RPL37: variants seen among roughly 807,000 people sequenced by gnomAD.
The protein encoded by RPL37 is large ribosomal subunit protein eL37.
A neutral mutation model predicts 14.8 loss-of-function variants in RPL37; 1 was observed. The observed-to-expected ratio is 0.07, with a 90% CI of 0.02 to 0.32. The LOEUF is 0.32. Ranked by LOEUF, RPL37 falls within the 10% of genes least tolerant of loss-of-function variation. The pLI, the probability that RPL37 is intolerant of heterozygous loss-of-function variation, is 1.00. For missense variants in RPL37, 100 were observed against 128.3 expected, an observed-to-expected ratio of 0.78 and a Z score of 1.06; for synonymous variants, 53 against 45.8, an observed-to-expected ratio of 1.16 and a Z score of -0.63.
At position 40,832,207 on chromosome 5, in the gene RPL37, G is replaced by A; in HGVS notation, c.*297C>T. On this transcript the variant is annotated 3_prime_UTR_variant, in exon 4 of 4. Transcript: ENST00000274242. ...TCAAACATCTAAAATACCCACCTAT[G>A]CCACATGAGCTGTGCTATTTTAATC... 5.9e-6 allele frequency: 2 copies of A among 338,018 alleles called. No homozygotes were observed. Among genetic ancestry groups the A allele is most frequent in the Middle Eastern group, 9.3e-4 (1 of 1,072 alleles). 20.9% of individuals were successfully genotyped at this position (338,018 alleles called of 1,614,324 possible). A position where few individuals can be genotyped will look rare whatever the true frequency, so the allele number is the denominator to read the frequency against.
chr5:40,832,809 C>T lies in RPL37; in HGVS notation c.225-236G>A, dbSNP rs557988118. 4.3e-5 allele frequency: 25 copies of T among 580,026 alleles called. No individual in the cohort carries two copies. The East Asian group carries it at 7.5e-4, about 17-fold the overall frequency. The allele number at this position is 580,026 out of a possible 1,614,324, so 35.9% of individuals were successfully genotyped here. A position where few individuals can be genotyped will look rare whatever the true frequency, so the allele number is the denominator to read the frequency against. On this transcript the variant is annotated intron_variant, in intron 3 of 3. Coordinates refer to ENST00000274242, the MANE Select transcript of RPL37 (RefSeq NM_000997.5). Reference sequence around the variant, plus strand: ...TGCAACTGCAATAAAGGCTCAAAAACTTATTTGGCTATACTAGTCATTGGG... The same window carrying T: ...TGCAACTGCAATAAAGGCTCAAAAATTTATTTGGCTATACTAGTCATTGGG...
intron 3 of RPL37, 87 bp from the exon 4 acceptor site, chr5:40,832,660 T>C (rs748742120): frequency 1.5e-5 from 14 of 963,374 alleles, no homozygotes; most frequent in Non-Finnish European, 2.2e-5. Flanking sequence ...TCAATGCGCT[T>C]ATCTCAGTTA....
In RPL37 at chr5:40,829,087, TCA is replaced by T. The variant is rs924039542; in HGVS notation, c.*3415_*3416del. 2.2e-4 allele frequency: 34 copies of T among 152,288 alleles called. No homozygotes were observed. Among genetic ancestry groups the T allele is most frequent in the African/African-American group, 7.5e-4 (31 of 41,550 alleles). 9.4% of individuals were successfully genotyped at this position (152,288 alleles called of 1,614,324 possible). A position where few individuals can be genotyped will look rare whatever the true frequency, so the allele number is the denominator to read the frequency against. On this transcript the variant is annotated 3_prime_UTR_variant, in exon 4 of 4. Transcript: ENST00000274242. Reference sequence around the variant, plus strand: ...CTGACTTCTACATGCCTATCAAATCTCAGTGTTCTCATTTTCATGCTTAAATT... The same window carrying T: ...CTGACTTCTACATGCCTATCAAATCTGTGTTCTCATTTTCATGCTTAAATT...
chr5:40,825,962 C>A lies in RPL37; in HGVS notation c.*6542G>T, dbSNP rs1317712358. Reference sequence around the variant, plus strand: ...CTCAGGTGATCTACCCGCCTCAGAGCCTCCCAAGGCGTGTGGGATTACAGA... The same window carrying A: ...CTCAGGTGATCTACCCGCCTCAGAGACTCCCAAGGCGTGTGGGATTACAGA... On this transcript the variant is annotated 3_prime_UTR_variant, in exon 4 of 4. Transcript: ENST00000274242. 4 of 152,186 alleles carry A rather than the reference C, an allele frequency of 2.6e-5. No homozygotes were observed. The highest frequency in any genetic ancestry group is 4.8e-5 in the African/African-American group (2 of 41,432). The allele number at this position is 152,186 out of a possible 1,614,324, so 9.4% of individuals were successfully genotyped here.
At chr5:40,833,907 T>C (rs1745698608) in intron 3 of RPL37, 1 of 393,460 alleles carries the variant, frequency 2.5e-6, no homozygotes, top group South Asian at 3.1e-5. Context: ...TAGCTGGGCA[T>C]GTGGCAGCGC....
chr5:40,825,273 AAT>A lies in RPL37; in HGVS notation c.*7229_*7230del, dbSNP rs1159273052. The A allele has an allele frequency of 2.6e-5, 4 of 152,304 alleles. No individual in the cohort carries two copies. The highest frequency in any genetic ancestry group is 2.1e-4 in the South Asian group (1 of 4,826). 9.4% of individuals were successfully genotyped at this position (152,304 alleles called of 1,614,324 possible). On this transcript the variant is annotated 3_prime_UTR_variant, in exon 4 of 4. Transcript: ENST00000274242. Reference sequence around the variant, plus strand: ...CTGCAAAAGTAGTATTTCATTGTACAATATCTTTATTAAAGAAATGCATTCCA... The same window carrying A: ...CTGCAAAAGTAGTATTTCATTGTACAATCTTTATTAAAGAAATGCATTCCA...
In RPL37 at chr5:40,825,772, C is replaced by G. The variant is rs1176926216; in HGVS notation, c.*6732G>C. On this transcript the variant is annotated 3_prime_UTR_variant, in exon 4 of 4. Transcript: ENST00000274242. ...TGAGGCTGGAGTGCAGTGGTGCAAT[C>G]TCAGCTCACTGCAGTCTCAACTTCC... 6.6e-6 allele frequency: 1 copy of G among 152,082 alleles called. No individual in the cohort carries two copies. The highest frequency in any genetic ancestry group is 1.5e-5 in the Non-Finnish European group (1 of 68,130). 9.4% of individuals were successfully genotyped at this position (152,082 alleles called of 1,614,324 possible). A position where few individuals can be genotyped will look rare whatever the true frequency, so the allele number is the denominator to read the frequency against.
In RPL37 at chr5:40,832,171, TTCAAATTTACTCAAACA is replaced by T; in HGVS notation, c.*316_*332del. On this transcript the variant is annotated 3_prime_UTR_variant, in exon 4 of 4. Coordinates refer to ENST00000274242, the MANE Select transcript of RPL37 (RefSeq NM_000997.5). ...AAAGGTAATTTAAACATCATACTCT[TTCAAATTTACTCAAACA>T]TCTAAAATACCCACCTATGCCACAT... 1 of 281,124 alleles carries T rather than the reference TTCAAATTTACTCAAACA, an allele frequency of 3.6e-6. No individual in the cohort carries two copies. 17.4% of individuals were successfully genotyped at this position (281,124 alleles called of 1,614,324 possible).
In RPL37 at chr5:40,830,500, AT is replaced by A. The variant is rs34309679; in HGVS notation, c.*2003del. On this transcript the variant is annotated 3_prime_UTR_variant, in exon 4 of 4. Transcript: ENST00000274242. The stretch of plus-strand genomic sequence containing the variant: ...GAAAATTTGAGTCATTAGTTCAAGG[AT>A]TTTTTTTTTTTTTTGAGGTGGAGTC... 0.038 allele frequency: 5,489 copies of A among 143,330 alleles called. 105 individuals carry two copies. Among genetic ancestry groups the A allele is most frequent in the East Asian group, 0.1 (493 of 4,810 alleles). The allele number at this position is 143,330 out of a possible 1,614,324, so 8.9% of individuals were successfully genotyped here.
Position 40,832,543 on chromosome 5 carries a change from T to C in RPL37, c.255A>G (p.Lys85=). 1 of 1,613,968 alleles carries C rather than the reference T, an allele frequency of 6.2e-7. No homozygotes were observed. Among genetic ancestry groups the C allele is most frequent in the Non-Finnish European group, 8.5e-7 (1 of 1,179,918 alleles). ...RHGFREGTTP[K]PKRAAVAASS... Reference sequence around the variant, plus strand: ...ATGCTGCAACAGCTGCCCTCTTGGGTTTAGGTGTTGTTCCTTCACGGAATC... The same window carrying C: ...ATGCTGCAACAGCTGCCCTCTTGGGCTTAGGTGTTGTTCCTTCACGGAATC... Residue 85 remains lysine (K), a synonymous_variant, in exon 4 of 4, where the codon AAA becomes AAG. Coordinates refer to ENST00000274242, the MANE Select transcript of RPL37 (RefSeq NM_000997.5).
rs758979610 is a variant in RPL37 at position 40,825,711 on chromosome 5, C to T, written c.*6793G>A. The T allele has an allele frequency of 2.0e-5, 3 of 152,494 alleles. No individual in the cohort carries two copies. Among genetic ancestry groups the T allele is most frequent in the Non-Finnish European group, 4.4e-5 (3 of 68,286 alleles). 9.4% of individuals were successfully genotyped at this position (152,494 alleles called of 1,614,324 possible). On this transcript the variant is annotated 3_prime_UTR_variant, in exon 4 of 4. Transcript: ENST00000274242. ...GCCACCTGGCCTCTTCCTCCTCAGT[C>T]ACTTTTTTCTTTTTTTGAGACAGTC...
rs1745585258 is a variant in RPL37 at position 40,829,226 on chromosome 5, G to C, written c.*3278C>G. The C allele has an allele frequency of 6.6e-6, 1 of 152,200 alleles. No individual in the cohort carries two copies. The highest frequency in any genetic ancestry group is 1.5e-5 in the Non-Finnish European group (1 of 68,036). 9.4% of individuals were successfully genotyped at this position (152,200 alleles called of 1,614,324 possible). On this transcript the variant is annotated 3_prime_UTR_variant, in exon 4 of 4. Transcript: ENST00000274242. The stretch of plus-strand genomic sequence containing the variant: ...CACAGCCACTGCCTTAGTCTGTCAT[G>C]ATTTTCACATGAACTATTTAAGAAC...
chr5:40,831,795 T>C lies in RPL37; in HGVS notation c.*709A>G, dbSNP rs1011400778. On this transcript the variant is annotated 3_prime_UTR_variant, in exon 4 of 4. Coordinates refer to ENST00000274242, the MANE Select transcript of RPL37 (RefSeq NM_000997.5). ...TGAGGGCTAAAAAAATTCGACCAAGTAGTCCCACATCATTGCCTTTAGTCT... is the reference window on the plus strand; with the variant it reads ...TGAGGGCTAAAAAAATTCGACCAAGCAGTCCCACATCATTGCCTTTAGTCT... 4 of 152,358 alleles carry C rather than the reference T, an allele frequency of 2.6e-5. No individual in the cohort carries two copies. Among genetic ancestry groups the C allele is most frequent in the Admixed American group, 1.3e-4 (2 of 15,272 alleles). The allele number at this position is 152,358 out of a possible 1,614,324, so 9.4% of individuals were successfully genotyped here.
chr5:40,835,139 A>AC, intron 1 of RPL37, 44 bp downstream of exon 1: 1 of 1,613,820 alleles, frequency 6.2e-7, no homozygotes, highest in Non-Finnish European at 8.5e-7. Flanking sequence ...GGCACAAAGG[A>AC]CGAGGATGGA....
rs1745491263 is a variant in RPL37, at chr5:40,825,400, C to T, written c.*7104G>A. 6.6e-6 allele frequency: 1 copy of T among 152,244 alleles called. No homozygotes were observed. Among genetic ancestry groups the T allele is most frequent in the African/African-American group, 2.4e-5 (1 of 41,542 alleles). The allele number at this position is 152,244 out of a possible 1,614,324, so 9.4% of individuals were successfully genotyped here. A position where few individuals can be genotyped will look rare whatever the true frequency, so the allele number is the denominator to read the frequency against. ...CTTTGCAAAACAAATGGAGATATAT[C>T]AACTCTCATACAATTCTAAAAGCAT... On this transcript the variant is annotated 3_prime_UTR_variant, in exon 4 of 4. Coordinates refer to ENST00000274242, the MANE Select transcript of RPL37 (RefSeq NM_000997.5).
rs1417075206 is a variant in RPL37 at position 40,834,404 on chromosome 5, C to A, written c.139+67G>T. 9 of 1,591,252 alleles carry A rather than the reference C, an allele frequency of 5.7e-6. No individual in the cohort carries two copies. In the Admixed American group the frequency reaches 1.4e-4, roughly 25 times the overall value. ...AGATAGGCACCAAATAAAGTTCAAA[C>A]CTATGCCCCCACTTAAGTGCAATAC... On this transcript the variant is annotated intron_variant, in intron 2 of 3. Transcript: ENST00000274242.
In RPL37 at chr5:40,828,669, TA is replaced by T. The variant is rs1745570510; in HGVS notation, c.*3834del. On this transcript the variant is annotated 3_prime_UTR_variant, in exon 4 of 4. Transcript: ENST00000274242. ...TTGCCAAATCCAGAATTTTAAAATA[TA>T]TCTTCATTCTCTTTGGCCTCAGCCA... 1 of 152,206 alleles carries T rather than the reference TA, an allele frequency of 6.6e-6. No individual in the cohort carries two copies. Among genetic ancestry groups the T allele is most frequent in the Non-Finnish European group, 1.5e-5 (1 of 68,034 alleles). 9.4% of individuals were successfully genotyped at this position (152,206 alleles called of 1,614,324 possible).
chr5:40,832,527 C>A lies in RPL37; in HGVS notation c.271G>T (p.Val91Phe). The change falls in exon 4 of 4, where the codon GTT becomes TTT. Residue 91 changes from valine to phenylalanine, a missense_variant. Coordinates refer to ENST00000274242, the MANE Select transcript of RPL37 (RefSeq NM_000997.5). ...TCTTAAGATGAACTGGATGCTGCAA[C>A]AGCTGCCCTCTTGGGTTTAGGTGTT... ...GTTPKPKRAA[V>F]AASSSS 1.2e-6 allele frequency: 2 copies of A among 1,613,872 alleles called. No individual in the cohort carries two copies. Among genetic ancestry groups the A allele is most frequent in the Non-Finnish European group, 1.7e-6 (2 of 1,179,904 alleles).
chr5:40,828,246 ACTGT>A lies in RPL37; in HGVS notation c.*4254_*4257del, dbSNP rs745402785. On this transcript the variant is annotated 3_prime_UTR_variant, in exon 4 of 4. Coordinates refer to ENST00000274242, the MANE Select transcript of RPL37 (RefSeq NM_000997.5). ...ACCTTCTAAAGGTTCCTCCATCCCC[ACTGT>A]CTATTACGCTCGTGGTATCCTTGTC... 1.3e-5 allele frequency: 2 copies of A among 152,108 alleles called. No homozygotes were observed. Among genetic ancestry groups the A allele is most frequent in the Non-Finnish European group, 2.9e-5 (2 of 68,002 alleles). The allele number at this position is 152,108 out of a possible 1,614,324, so 9.4% of individuals were successfully genotyped here. A position where few individuals can be genotyped will look rare whatever the true frequency, so the allele number is the denominator to read the frequency against.
Sources: allele counts gnomAD v4.1 joint callset, GRCh38; gene constraint gnomAD v4.1.1; transcripts MANE v1.5; gene names NCBI Gene and HGNC (gene_info 2026-07-23, HGNC 2026-07-21).